NFIX: variants seen among roughly 807,000 people sequenced by gnomAD.
NFIX encodes the protein nuclear factor I X.
In NFIX, 2 loss-of-function variants were observed where a neutral mutation model predicts 53.3. That is an observed-to-expected ratio of 0.04 (90% CI 0.02 to 0.12). NFIX has a LOEUF of 0.12. Ranked by LOEUF, NFIX falls within the 10% of genes least tolerant of loss-of-function variation. NFIX has a pLI of 1.00. For synonymous variants in NFIX, 244 were observed against 289.0 expected, an observed-to-expected ratio of 0.84 and a Z score of 1.58; for missense variants, 310 against 674.5, an observed-to-expected ratio of 0.46 and a Z score of 5.99.
At chr19:13,055,771 T>G (rs1336332218) in intron 2 of NFIX, among the ~76,000 whole-genome samples, 1 of 152,154 alleles carries the variant, frequency 6.6e-6, no homozygotes, top group Non-Finnish European at 1.5e-5. Flanking sequence ...GCCTCTCCTC[T>G]GGGTCCTGCA....
rs957125857 is a variant in NFIX at position 13,027,246 on chromosome 19, C to T, written c.559+1694C>T. Among the ~76,000 whole-genome samples, 2 of 152,192 alleles carry T rather than the reference C, an allele frequency of 1.3e-5. No homozygotes were observed. Among genetic ancestry groups the T allele is most frequent in the Non-Finnish European group, 2.9e-5 (2 of 68,046 alleles). On this transcript the variant is annotated intron_variant, in intron 2 of 10. Coordinates refer to ENST00000592199, the MANE Select transcript of NFIX (RefSeq NM_001365902.3). The surrounding 1 kb of genome is among the most constrained non-coding windows in gnomAD (Gnocchi z 4.3). ...ATCCGGCCCTGTGTGACCATCGTGA[C>T]CCGTCATGCAGAAGGGCCAGGTGCC...
At chr19:13,047,778 G>C (rs765618762) in intron 2 of NFIX, among the ~76,000 whole-genome samples, 3 of 152,122 alleles carry the variant, frequency 2.0e-5, no homozygotes, top group African/African-American at 7.2e-5. Flanking sequence ...CTCTCTCCTG[G>C]CTTTCCATCT....
chr19:13,073,880 C>T lies in NFIX; in HGVS notation c.698-26C>T. On this transcript the variant is annotated intron_variant, in intron 4 of 10. Coordinates refer to ENST00000592199, the MANE Select transcript of NFIX (RefSeq NM_001365902.3). The surrounding 1 kb of genome is among the most constrained non-coding windows in gnomAD (Gnocchi z 4.5). ...CATCAGGCCTCCCCCCACCTCCAAA[C>T]CTCATCACCCTCTCGTTCTTCCCAG... is the stretch of plus-strand genomic sequence containing the variant. 1 of 1,613,940 alleles carries T rather than the reference C, an allele frequency of 6.2e-7. No individual in the cohort carries two copies. Among genetic ancestry groups the T allele is most frequent in the South Asian group, 1.1e-5 (1 of 91,080 alleles).
chr19:13,010,860 C>G (rs2012302469), intron 1 of NFIX, among the ~76,000 whole-genome samples: 1 of 152,200 alleles, frequency 6.6e-6, no homozygotes, highest in Admixed American at 6.5e-5. Context: ...AGGCCTAATT[C>G]CACCTCCCCC....
intron 2 of NFIX, among the ~76,000 whole-genome samples, chr19:13,038,449 T>C (rs1357461509): frequency 1.3e-5 from 2 of 152,112 alleles, no homozygotes; most frequent in Non-Finnish European, 2.9e-5. Flanking sequence ...CCAGACCCAG[T>C]GACCAGGGCT....
In NFIX at chr19:12,998,765, C is replaced by T. The variant is rs543963123; in HGVS notation, c.27+2901C>T. 6.6e-6 allele frequency among the ~76,000 whole-genome samples: 1 copy of T among 152,158 alleles called. No individual in the cohort carries two copies. The highest frequency in any genetic ancestry group is 1.5e-5 in the Non-Finnish European group (1 of 68,024). ...CAGACCTACGGACACAGGAAACCGA[C>T]GACTTGTGTTCACACTGTCACACAC... On this transcript the variant is annotated intron_variant, in intron 1 of 10. Coordinates refer to ENST00000592199, the MANE Select transcript of NFIX (RefSeq NM_001365902.3). The surrounding 1 kb of genome is among the most constrained non-coding windows in gnomAD (Gnocchi z 4.4).
At position 13,006,516 on chromosome 19, in the gene NFIX, C is replaced by T. The variant is rs2012023619; in HGVS notation, c.27+10652C>T. Among the ~76,000 whole-genome samples the T allele has an allele frequency of 6.6e-6, 1 of 152,336 alleles. No homozygotes were observed. Among genetic ancestry groups the T allele is most frequent in the African/African-American group, 2.4e-5 (1 of 41,578 alleles). The stretch of plus-strand genomic sequence containing the variant: ...TTGATGGGCACTGGGTATTCGCAAC[C>T]CTGCTGCTCTGAGCTGGGGGATGGG... On this transcript the variant is annotated intron_variant, in intron 1 of 10. Coordinates refer to ENST00000592199, the MANE Select transcript of NFIX (RefSeq NM_001365902.3). This position sits in a 1 kb window ranked among gnomAD's most constrained non-coding sequence, Gnocchi z 5.6.
In NFIX at chr19:13,025,066, G is replaced by T; in HGVS notation, c.73G>T (p.Ala25Ser). 1 of 1,614,032 alleles carries T rather than the reference G, an allele frequency of 6.2e-7. No individual in the cohort carries two copies. Among genetic ancestry groups the T allele is most frequent in the East Asian group, 2.2e-5 (1 of 44,862 alleles). The change falls in exon 2 of 11, where the codon GCT (alanine) becomes TCT (serine). Residue 25 changes from alanine to serine, a missense_variant. This residue lies in a region of NFIX where 64 missense variants were observed against 144.5 expected (regional missense o/e 0.44). Coordinates refer to ENST00000592199, the MANE Select transcript of NFIX (RefSeq NM_001365902.3). The surrounding 1 kb of genome is among the most constrained non-coding windows in gnomAD (Gnocchi z 7.5). ...CGAGGCACTGCTGCCTCACGTCCGC[G>T]CTTTCTCCTACACCTGGTTCAACCT... The part of the protein sequence containing the change: ...FIEALLPHVR[A>S]FSYTWFNLQA...
In NFIX at chr19:13,013,134, C is replaced by G. The variant is rs958248808; in HGVS notation, c.28-11887C>G. On this transcript the variant is annotated intron_variant, in intron 1 of 10. Coordinates refer to ENST00000592199, the MANE Select transcript of NFIX (RefSeq NM_001365902.3). This position sits in a 1 kb window ranked among gnomAD's most constrained non-coding sequence, Gnocchi z 5.9. ...TTTCGATCTACGCCACCTTCCCTCT[C>G]AGGGCTGATTTCTTGAATTTGGGGC... 4.6e-5 allele frequency among the ~76,000 whole-genome samples: 7 copies of G among 152,164 alleles called. No homozygotes were observed. The highest frequency in any genetic ancestry group is 1.7e-4 in the African/African-American group (7 of 41,438).
At position 13,081,979 on chromosome 19, in the gene NFIX, G is replaced by A; in HGVS notation, c.1254+124G>A. The A allele has an allele frequency of 8.6e-7, 1 of 1,164,776 alleles. No individual in the cohort carries two copies. The highest frequency in any genetic ancestry group is 1.5e-5 in the African/African-American group (1 of 65,444). The allele number at this position is 1,164,776 out of a possible 1,614,324, so 72.2% of individuals were successfully genotyped here. A position where few individuals can be genotyped will look rare whatever the true frequency, so the allele number is the denominator to read the frequency against. The stretch of plus-strand genomic sequence containing the variant: ...CCACCTGGGGCTGGAGCAGCAGGGA[G>A]CTGGTAGTACCAAACGCCTCGATTT... On this transcript the variant is annotated intron_variant, in intron 8 of 10. Transcript: ENST00000592199. The surrounding 1 kb of genome is among the most constrained non-coding windows in gnomAD (Gnocchi z 4.7).
chr19:13,032,128 G>C (rs563692404), intron 2 of NFIX, among the ~76,000 whole-genome samples: 2 of 152,326 alleles, frequency 1.3e-5, no homozygotes, highest in South Asian at 4.1e-4. Flanking sequence ...TTTGCCAGTG[G>C]AGGGGGAGGG....
In NFIX at chr19:13,090,277, C is replaced by G; in HGVS notation, c.1403-22C>G. 1 of 1,612,860 alleles carries G rather than the reference C, an allele frequency of 6.2e-7. No homozygotes were observed. Among genetic ancestry groups the G allele is most frequent in the Non-Finnish European group, 8.5e-7 (1 of 1,178,944 alleles). ...CCCCAAGGCCTGACAGGGTCTCTCC[C>G]TCTCTCCCCTGCTCCCCACAGCATT... On this transcript the variant is annotated intron_variant, in intron 9 of 10. Transcript: ENST00000592199. The surrounding 1 kb of genome is among the most constrained non-coding windows in gnomAD (Gnocchi z 6.6).
rs1409378643 is a variant in NFIX at position 13,095,242 on chromosome 19, C to G, written c.*593C>G. 4 of 148,436 alleles carry G rather than the reference C, an allele frequency of 2.7e-5. No homozygotes were observed. The highest frequency in any genetic ancestry group is 9.8e-5 in the African/African-American group (4 of 40,618). 9.2% of individuals were successfully genotyped at this position (148,436 alleles called of 1,614,324 possible). A position where few individuals can be genotyped will look rare whatever the true frequency, so the allele number is the denominator to read the frequency against. On this transcript the variant is annotated 3_prime_UTR_variant, in exon 11 of 11. Coordinates refer to ENST00000592199, the MANE Select transcript of NFIX (RefSeq NM_001365902.3). ...GCTCCAGCTTCTTCCCCCAGCTGCT[C>G]CCGACCAGGAGGGGGAGAGCAGCCT...
chr19:13,086,321 T>C (rs2017776448), intron 8 of NFIX, among the ~76,000 whole-genome samples: 1 of 152,096 alleles, frequency 6.6e-6, no homozygotes, highest in East Asian at 1.9e-4. Flanking sequence ...GATGTGGATT[T>C]GGGGGAGAGG....
chr19:13,069,068 G>A (rs913220344), intron 2 of NFIX, among the ~76,000 whole-genome samples: 1 of 152,228 alleles, frequency 6.6e-6, no homozygotes, highest in Non-Finnish European at 1.5e-5. Context: ...TAAGAGCACA[G>A]AAAGAACTCT....
intron 8 of NFIX, among the ~76,000 whole-genome samples, chr19:13,083,086 G>A (rs879726006): frequency 6.6e-6 from 1 of 152,160 alleles, no homozygotes; most frequent in Non-Finnish European, 1.5e-5. Context: ...TGCCCATCGA[G>A]GGTTTCTCTT....
At position 13,090,213 on chromosome 19, in the gene NFIX, C is replaced by T. The variant is rs1809580367; in HGVS notation, c.1403-86C>T. The T allele has an allele frequency of 5.5e-6, 7 of 1,268,280 alleles. No individual in the cohort carries two copies. The South Asian group carries it at 7.2e-5, about 13-fold the overall frequency. The allele number at this position is 1,268,280 out of a possible 1,614,324, so 78.6% of individuals were successfully genotyped here. ...GGCAGCATGGTCTAACTCAGTCTCT[C>T]CCTCTCTCAGCAGCCCCGAGGGGCA... On this transcript the variant is annotated intron_variant, in intron 9 of 10. Transcript: ENST00000592199. This position sits in a 1 kb window ranked among gnomAD's most constrained non-coding sequence, Gnocchi z 6.6.
At position 13,045,805 on chromosome 19, in the gene NFIX, G is replaced by T. The variant is rs1599778806; in HGVS notation, c.559+20253G>T. ...TGCAAGAGCTGGATCCAGGATTGGA[G>T]AATTTGCTCTTGCCCACCTCTCCAT... is the stretch of plus-strand genomic sequence containing the variant. On this transcript the variant is annotated intron_variant, in intron 2 of 10. Coordinates refer to ENST00000592199, the MANE Select transcript of NFIX (RefSeq NM_001365902.3). The surrounding 1 kb of genome is among the most constrained non-coding windows in gnomAD (Gnocchi z 4.4). 6.6e-6 allele frequency among the ~76,000 whole-genome samples: 1 copy of T among 152,234 alleles called. No homozygotes were observed.
At position 13,090,507 on chromosome 19, in the gene NFIX, C is replaced by G. The variant is rs1031137231; in HGVS notation, c.1494+117C>G. The G allele has an allele frequency of 1.0e-6, 1 of 1,004,648 alleles. No individual in the cohort carries two copies. Among genetic ancestry groups the G allele is most frequent in the East Asian group, 2.4e-5 (1 of 40,984 alleles). 62.2% of individuals were successfully genotyped at this position (1,004,648 alleles called of 1,614,324 possible). ...TTGGGGCTAACAGGGAGAGAGAGGT[C>G]TGAGGTGGGGCTGGAGGGCCCAGGC... On this transcript the variant is annotated intron_variant, in intron 10 of 10. Transcript: ENST00000592199. This position sits in a 1 kb window ranked among gnomAD's most constrained non-coding sequence, Gnocchi z 6.6.
Sources: allele counts gnomAD v4.1 joint callset (sites outside exome capture counted in the v4.1 genomes callset), GRCh38; gene constraint gnomAD v4.1.1; regional missense constraint gnomAD v4.1.1; non-coding constraint Gnocchi (gnomAD v3.1); transcripts MANE v1.5; gene names NCBI Gene and HGNC (gene_info 2026-07-23, HGNC 2026-07-21).